Variants in LUZP2 observed in about 807,000 individuals in gnomAD.
LUZP2 encodes the protein leucine zipper protein 2.
A neutral mutation model predicts 51.6 loss-of-function variants in LUZP2; 52 were observed. The ratio of observed to expected loss-of-function variants is 1.01; its 90% CI spans 0.81 to 1.27. The LOEUF is 1.27. LUZP2 is among the 50% of genes most tolerant of loss of function. The pLI, the probability that LUZP2 is intolerant of heterozygous loss-of-function variation, is 0.00. For missense variants in LUZP2, 436 were observed against 395.4 expected, an observed-to-expected ratio of 1.10 and a Z score of -0.87; for synonymous variants, 154 against 137.3, an observed-to-expected ratio of 1.12 and a Z score of -0.85.
intron 9 of LUZP2, among the ~76,000 whole-genome samples, chr11:25,014,070 G>A (rs1402575753): frequency 2.6e-5 from 4 of 152,106 alleles, no homozygotes; most frequent in Non-Finnish European, 5.9e-5. Context: ...CCCTACAAAG[G>A]ACATGAACTC....
chr11:24,991,338 A>ATGTG (rs58547863), intron 9 of LUZP2, among the ~76,000 whole-genome samples: 55 of 123,332 alleles, frequency 4.5e-4, no homozygotes, highest in Admixed American at 2.4e-3. Flanking sequence ...CATCATATAT[A>ATGTG]TGTGTGTGTG....
intron 5 of LUZP2, among the ~76,000 whole-genome samples, chr11:24,796,335 A>G (rs1251550958): frequency 6.6e-6 from 1 of 151,918 alleles, no homozygotes; most frequent in Non-Finnish European, 1.5e-5. Flanking sequence ...ATTCTCTGCC[A>G]CTCTTCCAAT....
chr11:24,722,400 C>T (rs1350533322), intron 1 of LUZP2, among the ~76,000 whole-genome samples: 1 of 151,932 alleles, frequency 6.6e-6, no homozygotes, highest in Non-Finnish European at 1.5e-5. Flanking sequence ...TGGCAGCAGG[C>T]AAAGAAAGAG....
At chr11:24,543,215 A>ATTTTTTTTTTTTTTTTTTTTTTTTTTTT (rs1564980528) in intron 1 of LUZP2, among the ~76,000 whole-genome samples, 1 of 152,062 alleles carries the variant, frequency 6.6e-6, no homozygotes, top group African/African-American at 2.4e-5. Flanking sequence ...TGTTTGGTTT[A>ATTTTTTTTTTTTTTTTTTTTTTTTTTTT]TTTAAAATAT....
intron 5 of LUZP2, among the ~76,000 whole-genome samples, chr11:24,844,344 T>C (rs1429539265): frequency 6.6e-6 from 1 of 152,064 alleles, no homozygotes; most frequent in Non-Finnish European, 1.5e-5. Flanking sequence ...AACTTAGAAC[T>C]TGAGAGAGAT....
intron 5 of LUZP2, among the ~76,000 whole-genome samples, chr11:24,852,942 C>T (rs1192103811): frequency 6.6e-6 from 1 of 152,064 alleles, no homozygotes; most frequent in African/African-American, 2.4e-5. Context: ...TTCCTCCATC[C>T]CTTTATTCTG....
intron 1 of LUZP2, among the ~76,000 whole-genome samples, chr11:24,519,712 G>A (rs923416294): frequency 6.6e-6 from 1 of 152,158 alleles, no homozygotes; most frequent in Admixed American, 6.6e-5. Context: ...CTATTTTGAT[G>A]TGAAGAATTG....
At chr11:24,959,855 T>G (rs1855339198) in intron 7 of LUZP2, among the ~76,000 whole-genome samples, 1 of 152,194 alleles carries the variant, frequency 6.6e-6, no homozygotes, top group Non-Finnish European at 1.5e-5. Flanking sequence ...TGCTTCCAGT[T>G]TTTGCCCATT....
At chr11:24,982,214 G>C (rs959705777) in intron 8 of LUZP2, among the ~76,000 whole-genome samples, 2 of 151,776 alleles carry the variant, frequency 1.3e-5, no homozygotes, top group African/African-American at 4.8e-5. Flanking sequence ...TCCTCAAAGA[G>C]GTAAAAGCAG....
chr11:25,044,251 GTGTGTGTATATATATATATA>G (rs1176420142), intron 9 of LUZP2, among the ~76,000 whole-genome samples: 5,773 of 117,478 alleles, frequency 0.049, 300 homozygotes, highest in African/African-American at 0.15. Context: ...GTGTGTGTGT[GTGTGTGTATATATATATATA>G]TATATATATA....
At chr11:24,527,565 T>TCACACA (rs1487134915) in intron 1 of LUZP2, among the ~76,000 whole-genome samples, 106 of 124,766 alleles carry the variant, frequency 8.5e-4, no homozygotes, top group Middle Eastern at 4.5e-3. Context: ...TCTCTCTCTC[T>TCACACA]CTCACACACA....
rs185990054 is a variant in LUZP2, at chr11:24,895,347, G to T, written c.397-10644G>T. 1.2e-3 allele frequency among the ~76,000 whole-genome samples: 175 copies of T among 152,152 alleles called. 2 individuals are homozygous for T. In the South Asian group the frequency reaches 0.013, roughly 12 times the overall value. On this transcript the variant is annotated intron_variant, in intron 5 of 11. Transcript: ENST00000336930. Reference sequence around the variant, plus strand: ...AAAAAAACTGCAAGAAAAACAAACAGAACTTTTTTTTTAATTTATCCTTTT... The same window carrying T: ...AAAAAAACTGCAAGAAAAACAAACATAACTTTTTTTTTAATTTATCCTTTT...
intron 5 of LUZP2, among the ~76,000 whole-genome samples, chr11:24,872,894 G>A (rs915175518): frequency 2.6e-5 from 4 of 152,084 alleles, no homozygotes; most frequent in African/African-American, 9.7e-5. Flanking sequence ...GCTTGTAAAT[G>A]GGAGACTTTA....
intron 1 of LUZP2, among the ~76,000 whole-genome samples, chr11:24,509,628 A>T (rs1352298567): frequency 1.3e-5 from 2 of 150,056 alleles, no homozygotes; most frequent in Non-Finnish European, 1.5e-5. Flanking sequence ...TATATAACAT[A>T]TTATATGTTA....
chr11:24,680,970 TTTA>T (rs879597629), intron 1 of LUZP2, among the ~76,000 whole-genome samples: 27,281 of 116,930 alleles, frequency 0.23, 2,428 homozygotes, highest in East Asian at 0.39. Flanking sequence ...AATTTCTTTC[TTTA>T]TTTTTTTTTT....
intron 9 of LUZP2, among the ~76,000 whole-genome samples, chr11:24,991,045 T>C (rs1366550478): frequency 6.6e-6 from 1 of 151,992 alleles, no homozygotes; most frequent in Non-Finnish European, 1.5e-5. Flanking sequence ...AGCAGTGATT[T>C]GTGAGATTTT....
chr11:24,843,417 G>C (rs1213090014), intron 5 of LUZP2, among the ~76,000 whole-genome samples: 3 of 152,044 alleles, frequency 2.0e-5, no homozygotes, highest in Non-Finnish European at 4.4e-5. Context: ...TAATAGAAGT[G>C]AAAATGATAG....
chr11:24,515,523 C>T (rs975887452), intron 1 of LUZP2, among the ~76,000 whole-genome samples: 1 of 152,078 alleles, frequency 6.6e-6, no homozygotes, highest in African/African-American at 2.4e-5. Context: ...ATACATCCTT[C>T]ATAGAAGGAG....
intron 1 of LUZP2, among the ~76,000 whole-genome samples, chr11:24,533,022 G>T (rs144173758): frequency 2.2e-4 from 33 of 151,194 alleles, no homozygotes; most frequent in Admixed American, 1.9e-3. Context: ...TATCTAACTT[G>T]AAAAATACTA....
Sources: allele counts gnomAD v4.1 joint callset (sites outside exome capture counted in the v4.1 genomes callset), GRCh38; gene constraint gnomAD v4.1.1; transcripts MANE v1.5; gene names NCBI Gene and HGNC (gene_info 2026-07-23, HGNC 2026-07-21).